CFAP299: variants seen among roughly 807,000 people sequenced by gnomAD.
The protein encoded by CFAP299 is cilia and flagella associated protein 299.
Under a neutral mutation model 27.0 loss-of-function variants are expected in CFAP299, and 21 were observed. The observed-to-expected ratio is 0.78, with a 90% CI of 0.55 to 1.12. The LOEUF is 1.12. Among genes scored for constraint, CFAP299 ranks in the 50% most tolerant of loss-of-function variants. CFAP299 has a pLI of 0.00. For synonymous variants in CFAP299, 104 were observed against 98.1 expected (o/e 1.06, Z -0.36); for missense variants, 310 against 276.6 (o/e 1.12, Z -0.86).
chr4:80,914,263 G>T (rs1463627986), intron 4 of CFAP299, among the ~76,000 whole-genome samples: 2 of 152,174 alleles, frequency 1.3e-5, no homozygotes, highest in Admixed American at 1.3e-4. Context: ...AACTGCCAAA[G>T]ATTTTGTTAA....
At chr4:80,605,543 G>A (rs1321901442) in intron 3 of CFAP299, among the ~76,000 whole-genome samples, 3 of 152,110 alleles carry the variant, frequency 2.0e-5, no homozygotes, top group East Asian at 1.9e-4. Context: ...AGAAATAGAA[G>A]CAAATGTCAG....
At chr4:80,707,710 C>T (rs775808149) in intron 3 of CFAP299, among the ~76,000 whole-genome samples, 3 of 152,068 alleles carry the variant, frequency 2.0e-5, no homozygotes, top group Non-Finnish European at 2.9e-5. Flanking sequence ...TCTTACTTCT[C>T]ATCTGGTCTC....
Position 80,933,453 on chromosome 4 carries a change from G to A in CFAP299, c.477-11357G>A, listed in dbSNP as rs533764977. Among the ~76,000 whole-genome samples, 34 of 152,132 alleles carry A rather than the reference G, an allele frequency of 2.2e-4. No individual in the cohort carries two copies. In the South Asian group the frequency reaches 5.6e-3, roughly 25 times the overall value. ...CATAGTGCCCAACAGGTCCGTGCACGGTGTCACAAATGGCAGGATTTCCTT... is the reference window on the plus strand; with the variant it reads ...CATAGTGCCCAACAGGTCCGTGCACAGTGTCACAAATGGCAGGATTTCCTT... On this transcript the variant is annotated intron_variant, in intron 4 of 5. Coordinates refer to ENST00000358105, the MANE Select transcript of CFAP299 (RefSeq NM_152770.3).
chr4:80,774,791 C>T (rs1421432744), intron 3 of CFAP299, among the ~76,000 whole-genome samples: 1 of 151,872 alleles, frequency 6.6e-6, no homozygotes, highest in Non-Finnish European at 1.5e-5. Context: ...TCTTTAATAG[C>T]TTATAATATC....
intron 2 of CFAP299, among the ~76,000 whole-genome samples, chr4:80,491,669 G>A (rs1731143997): frequency 1.3e-5 from 2 of 151,878 alleles, no homozygotes; most frequent in South Asian, 4.2e-4. Context: ...GGGGAGTCAT[G>A]CCCTATAAAT....
chr4:80,907,212 C>T (rs186815366), intron 4 of CFAP299, among the ~76,000 whole-genome samples: 93 of 152,294 alleles, frequency 6.1e-4, no homozygotes, highest in African/African-American at 2.1e-3. Context: ...AGTTTCTCAT[C>T]TTCATCTGCA....
chr4:80,647,056 A>T (rs930661131), intron 3 of CFAP299, among the ~76,000 whole-genome samples: 4 of 152,010 alleles, frequency 2.6e-5, no homozygotes, highest in African/African-American at 9.7e-5. Context: ...GTACATATAG[A>T]TGTAGATAGA....
At chr4:80,936,556 T>C (rs1281709991) in intron 4 of CFAP299, among the ~76,000 whole-genome samples, 2 of 152,072 alleles carry the variant, frequency 1.3e-5, no homozygotes, top group African/African-American at 4.8e-5. Context: ...AAGTAACATA[T>C]GTTTTCACTT....
intron 2 of CFAP299, among the ~76,000 whole-genome samples, chr4:80,557,625 C>T (rs1446174789): frequency 1.3e-5 from 2 of 151,938 alleles, no homozygotes; most frequent in African/African-American, 4.8e-5. Flanking sequence ...GAACTGTGAC[C>T]AAAACCATCA....
chr4:80,519,943 T>G (rs536210487), intron 2 of CFAP299, among the ~76,000 whole-genome samples: 2 of 152,262 alleles, frequency 1.3e-5, no homozygotes, highest in African/African-American at 4.8e-5. Context: ...ATTTTATGAT[T>G]CAAATGGCAT....
intron 3 of CFAP299, among the ~76,000 whole-genome samples, chr4:80,720,911 T>G (rs1479515583): frequency 1.3e-5 from 2 of 152,112 alleles, no homozygotes; most frequent in African/African-American, 2.4e-5. Context: ...AGTAAAGAAT[T>G]GGAAGATATT....
chr4:80,800,347 AATATATATG>A (rs1728385873), intron 3 of CFAP299, among the ~76,000 whole-genome samples: 1 of 72,506 alleles, frequency 1.4e-5, no homozygotes, highest in African/African-American at 6.1e-5. Flanking sequence ...TATAATATAT[AATATATATG>A]ATATATTAAT....
chr4:80,508,498 T>C (rs1475038199), intron 2 of CFAP299, among the ~76,000 whole-genome samples: 3 of 152,162 alleles, frequency 2.0e-5, no homozygotes, highest in Non-Finnish European at 4.4e-5. Flanking sequence ...GCCTTATCTC[T>C]CTTTTAAATT....
At chr4:80,484,674 T>C (rs1414931986) in intron 2 of CFAP299, among the ~76,000 whole-genome samples, 2 of 152,212 alleles carry the variant, frequency 1.3e-5, no homozygotes, top group African/African-American at 2.4e-5. Flanking sequence ...ATTTTATAAA[T>C]GTAAGCTAAG....
chr4:80,709,912 C>G (rs1722042907), intron 3 of CFAP299, among the ~76,000 whole-genome samples: 1 of 152,118 alleles, frequency 6.6e-6, no homozygotes, highest in South Asian at 2.1e-4. Flanking sequence ...ATATGAATTT[C>G]AAGAGACAGA....
chr4:80,870,313 T>C lies in CFAP299; in HGVS notation c.476+178T>C. The C allele has an allele frequency of 2.4e-6, 3 of 1,255,064 alleles. No individual in the cohort carries two copies. The South Asian group carries it at 9.2e-5, about 39-fold the overall frequency. The allele number at this position is 1,255,064 out of a possible 1,614,324, so 77.7% of individuals were successfully genotyped here. A position where few individuals can be genotyped will look rare whatever the true frequency, so the allele number is the denominator to read the frequency against. ...ATAAGCATAGATGCATTGTTTTTCC[T>C]TTAACAGCCTGAGAAAAAGGATTCT... On this transcript the variant is annotated intron_variant, in intron 4 of 5. Transcript: ENST00000358105.
intron 2 of CFAP299, among the ~76,000 whole-genome samples, chr4:80,412,568 C>A (rs1726775670): frequency 6.6e-6 from 1 of 151,994 alleles, no homozygotes; most frequent in Non-Finnish European, 1.5e-5. Context: ...GACCTTGCCT[C>A]AGAGAGAGAA....
At chr4:80,485,897 C>T (rs1181642200) in intron 2 of CFAP299, among the ~76,000 whole-genome samples, 1 of 152,122 alleles carries the variant, frequency 6.6e-6, no homozygotes, top group East Asian at 1.9e-4. Flanking sequence ...ATTTAATTTT[C>T]ATTATGAAGC....
At chr4:80,914,429 T>C (rs905892718) in intron 4 of CFAP299, among the ~76,000 whole-genome samples, 1 of 152,108 alleles carries the variant, frequency 6.6e-6, no homozygotes, top group Non-Finnish European at 1.5e-5. Flanking sequence ...CCAGATAATT[T>C]TTGTCCTGTG....
Sources: gnomAD v4.1 joint callset for allele counts (sites outside exome capture counted in the v4.1 genomes callset) on GRCh38, gnomAD v4.1.1 for gene constraint, MANE v1.5 for transcripts, NCBI Gene and HGNC (gene_info 2026-07-23, HGNC 2026-07-21) for gene names.